The following GRHL2 variants were observed in gnomAD, a reference collection of about 807,000 sequenced individuals.
The protein encoded by GRHL2 is grainyhead like transcription factor 2, also known as grainyhead-like protein 2 homolog.
GRHL2 carries 21 observed loss-of-function variants against 83.8 expected under a neutral mutation model. That is an observed-to-expected ratio of 0.25 (90% CI 0.18 to 0.36). GRHL2 has a LOEUF of 0.36. GRHL2 is among the 10% of genes least tolerant of loss of function. The pLI is 1.00. For missense variants in GRHL2, 623 were observed against 781.8 expected, an observed-to-expected ratio of 0.80 and a Z score of 2.42; for synonymous variants, 280 against 278.9, an observed-to-expected ratio of 1.00 and a Z score of -0.04.
intron 1 of GRHL2, among the ~76,000 whole-genome samples, chr8:101,527,064 A>G (rs1203998711): frequency 6.6e-6 from 1 of 152,190 alleles, no homozygotes; most frequent in Non-Finnish European, 1.5e-5. Context: ...GTTTTATACC[A>G]TTACTACAAA....
At chr8:101,584,521 G>A (rs549804095) in intron 7 of GRHL2, among the ~76,000 whole-genome samples, 26 of 152,226 alleles carry the variant, frequency 1.7e-4, no homozygotes, top group Admixed American at 1.7e-3. Flanking sequence ...AGGTCTAGAA[G>A]CTCTTTTTAA....
At chr8:101,553,058 T>C (rs533995219) in intron 3 of GRHL2, among the ~76,000 whole-genome samples, 1 of 152,360 alleles carries the variant, frequency 6.6e-6, no homozygotes, top group South Asian at 2.1e-4. Context: ...GCTGGTAAGA[T>C]AGCCCATTGC....
At position 101,492,667 on chromosome 8, in the gene GRHL2, A is replaced by G. The variant is rs1586386393; in HGVS notation, c.-103A>G. The G allele has an allele frequency of 5.4e-6, 5 of 923,776 alleles. No homozygotes were observed. In the East Asian group the frequency reaches 1.2e-4, roughly 22 times the overall value. 57.2% of individuals were successfully genotyped at this position (923,776 alleles called of 1,614,324 possible). A position where few individuals can be genotyped will look rare whatever the true frequency, so the allele number is the denominator to read the frequency against. On this transcript the variant is annotated 5_prime_UTR_variant, in exon 1 of 16. Transcript: ENST00000646743. ...AATTACCTGTAGCTCTTGTTCTGCC[A>G]TCTCGGGCGCTCTCACACACCTTCA...
chr8:101,587,474 T>TA (rs1586122186), intron 7 of GRHL2, among the ~76,000 whole-genome samples: 1 of 152,230 alleles, frequency 6.6e-6, no homozygotes, highest in East Asian at 1.9e-4. Flanking sequence ...TTTAGTGCTA[T>TA]ACAATGCTAT....
intron 6 of GRHL2, 107 bp from the exon 7 acceptor site, chr8:101,577,301 A>C: frequency 1.3e-6 from 1 of 758,016 alleles, no homozygotes; most frequent in South Asian, 1.5e-5. Context: ...CTAAAGCAAG[A>C]AAAGCAACAT....
At chr8:101,534,383 C>T (rs1490259323) in intron 1 of GRHL2, among the ~76,000 whole-genome samples, 2 of 152,042 alleles carry the variant, frequency 1.3e-5, no homozygotes, top group East Asian at 1.9e-4. Context: ...CAGTTCCTTG[C>T]CAAAATATGC....
At chr8:101,578,281 T>C (rs1811974068) in intron 7 of GRHL2, among the ~76,000 whole-genome samples, 1 of 152,194 alleles carries the variant, frequency 6.6e-6, no homozygotes, top group Non-Finnish European at 1.5e-5. Flanking sequence ...CAGCAGGAGC[T>C]GGGACCACAG....
At chr8:101,504,153 C>T (rs1172709405) in intron 1 of GRHL2, among the ~76,000 whole-genome samples, 1 of 152,148 alleles carries the variant, frequency 6.6e-6, no homozygotes, top group Non-Finnish European at 1.5e-5. Context: ...TTGACCCGAT[C>T]CCCTGCAGAA....
intron 4 of GRHL2, among the ~76,000 whole-genome samples, chr8:101,560,987 A>C (rs1425972394): frequency 6.7e-6 from 1 of 149,322 alleles, no homozygotes; most frequent in Non-Finnish European, 1.5e-5. Context: ...TAATCTGATT[A>C]AGTCTACTTT....
At chr8:101,568,065 G>T (rs966064140) in intron 4 of GRHL2, among the ~76,000 whole-genome samples, 9 of 152,118 alleles carry the variant, frequency 5.9e-5, no homozygotes, top group African/African-American at 2.2e-4. Context: ...AAATCAGCCT[G>T]TCCAGTAGAG....
At chr8:101,599,354 C>T (rs1812463360) in intron 8 of GRHL2, among the ~76,000 whole-genome samples, 1 of 152,148 alleles carries the variant, frequency 6.6e-6, no homozygotes, top group African/African-American at 2.4e-5. Context: ...GCTGCGTGTC[C>T]CACCCAAATC....
chr8:101,666,553 T>A (rs1028214996), intron 15 of GRHL2, 36 bp from the exon 16 acceptor site: 2 of 1,243,434 alleles, frequency 1.6e-6, no homozygotes, highest in Non-Finnish European at 2.4e-6. Context: ...GTTCACGGCG[T>A]CTTTGTTTTT....
Position 101,606,232 on chromosome 8 carries a change from G to GTTTATT in GRHL2, c.1098+7081_1098+7082insTTTATT, listed in dbSNP as rs1265429843. On this transcript the variant is annotated intron_variant, in intron 8 of 15. Transcript: ENST00000646743. ...CATAAGCCAATGTTCCTTTTATAGAGAGATTCCTCTAATCTTGGGTCTCTT... is the reference window on the plus strand; with the variant it reads ...CATAAGCCAATGTTCCTTTTATAGAGTTTATTAGATTCCTCTAATCTTGGGTCTCTT... 5.4e-3 allele frequency among the ~76,000 whole-genome samples: 825 copies of GTTTATT among 152,330 alleles called. 9 individuals are homozygous for GTTTATT. Among genetic ancestry groups the GTTTATT allele is most frequent in the African/African-American group, 0.018 (756 of 41,576 alleles).
At chr8:101,512,297 T>A (rs530626) in intron 1 of GRHL2, among the ~76,000 whole-genome samples, 91,067 of 151,890 alleles carry the variant, frequency 0.6, 28,760 homozygotes, top group Non-Finnish European at 0.71. Context: ...TGCATTCCTA[T>A]AAAAACAAAT....
rs999694576 is a variant in GRHL2, at chr8:101,522,081, G to T, written c.21-21160G>T. On this transcript the variant is annotated intron_variant, in intron 1 of 15. Coordinates refer to ENST00000646743, the MANE Select transcript of GRHL2 (RefSeq NM_024915.4). ...CTCATGGAAGAGTGCTTATATGTTT[G>T]CAAAGCACTAAAGATTTTTTTTAAA... Among the ~76,000 whole-genome samples, 42 of 152,064 alleles carry T rather than the reference G, an allele frequency of 2.8e-4. 1 individual carries two copies. Among genetic ancestry groups the T allele is most frequent in the African/African-American group, 9.9e-4 (41 of 41,398 alleles).
intron 12 of GRHL2, among the ~76,000 whole-genome samples, chr8:101,643,619 G>A (rs1813448520): frequency 6.6e-6 from 1 of 152,222 alleles, no homozygotes; most frequent in Non-Finnish European, 1.5e-5. Context: ...ATCTGCTGCG[G>A]CCAGAGGGAG....
At chr8:101,494,608 C>T (rs1194964208) in intron 1 of GRHL2, among the ~76,000 whole-genome samples, 1 of 152,146 alleles carries the variant, frequency 6.6e-6, no homozygotes, top group Non-Finnish European at 1.5e-5. Context: ...TGATCTTTGC[C>T]TGCGTCAAAG....
intron 13 of GRHL2, among the ~76,000 whole-genome samples, chr8:101,645,441 C>G (rs1024018060): frequency 6.6e-6 from 1 of 152,022 alleles, no homozygotes; most frequent in African/African-American, 2.4e-5. Context: ...TAAATATGCC[C>G]GCCATCTGCA....
At chr8:101,513,667 G>C (rs1810511570) in intron 1 of GRHL2, among the ~76,000 whole-genome samples, 1 of 151,632 alleles carries the variant, frequency 6.6e-6, no homozygotes, top group African/African-American at 2.4e-5. Flanking sequence ...GCTAATTTTT[G>C]TATTTTTAGT....
Sources: allele counts gnomAD v4.1 joint callset (sites outside exome capture counted in the v4.1 genomes callset), GRCh38; gene constraint gnomAD v4.1.1; transcripts MANE v1.5; gene names NCBI Gene and HGNC (gene_info 2026-07-23, HGNC 2026-07-21).